Variants in TRPM3 observed in about 807,000 individuals in gnomAD.
The protein encoded by TRPM3 is transient receptor potential cation channel subfamily M member 3.
A neutral mutation model predicts 181.2 loss-of-function variants in TRPM3; 77 were observed. The observed-to-expected ratio is 0.42, with a 90% confidence interval of 0.35 to 0.51. The LOEUF is 0.51. Ranked by LOEUF, TRPM3 falls within the 20% of genes least tolerant of loss-of-function variation. The probability of loss-of-function intolerance (pLI) is 0.01; values close to 1 mark genes in which losing one functional copy is unlikely to be tolerated. For synonymous variants in TRPM3, 745 were observed against 796.4 expected, an observed-to-expected ratio of 0.94 and a Z score of 1.09; for missense variants, 1,759 against 2,196.7, an observed-to-expected ratio of 0.80 and a Z score of 3.98.
chr9:71,326,568 T>C (rs893374201), intron 1 of TRPM3, among the ~76,000 whole-genome samples: 1 of 152,240 alleles, frequency 6.6e-6, no homozygotes, highest in African/African-American at 2.4e-5. Flanking sequence ...AAAATGCAAC[T>C]GGTACTTCTC....
At chr9:70,806,223 CAGA>C (rs1244470635) in intron 6 of TRPM3, among the ~76,000 whole-genome samples, 2 of 152,052 alleles carry the variant, frequency 1.3e-5, no homozygotes, top group Non-Finnish European at 1.5e-5. Context: ...GCCTCCAACA[CAGA>C]AGGAGAACAG....
chr9:70,629,218 G>GTGGC (rs1554790165), intron 12 of TRPM3, among the ~76,000 whole-genome samples: 4 of 59,932 alleles, frequency 6.7e-5, no homozygotes, highest in African/African-American at 2.1e-4. Context: ...CCAGTGCCGG[G>GTGGC]GGGGGGGGGG....
chr9:71,256,703 T>C (rs1283186107), intron 1 of TRPM3, among the ~76,000 whole-genome samples: 1 of 152,102 alleles, frequency 6.6e-6, no homozygotes, highest in African/African-American at 2.4e-5. Context: ...TACAGTTTGA[T>C]GGGACCAAAA....
intron 1 of TRPM3, among the ~76,000 whole-genome samples, chr9:70,998,142 C>T (rs935983014): frequency 1.7e-5 from 1 of 58,268 alleles, no homozygotes; most frequent in South Asian, 6.5e-4. Flanking sequence ...CATATATATA[C>T]ACATATATAT....
chr9:70,574,090 G>GCA (rs111292543), intron 22 of TRPM3, among the ~76,000 whole-genome samples: 10,839 of 143,302 alleles, frequency 0.076, 598 homozygotes, highest in African/African-American at 0.16. Context: ...ACACACGCGC[G>GCA]CGCACACACA....
intron 1 of TRPM3, among the ~76,000 whole-genome samples, chr9:71,138,945 T>C (rs761055066): frequency 3.3e-5 from 5 of 152,192 alleles, no homozygotes; most frequent in African/African-American, 9.7e-5. Flanking sequence ...TTCTAACATA[T>C]AGCTTGTATA....
intron 6 of TRPM3, among the ~76,000 whole-genome samples, chr9:70,795,333 GC>G (rs1564331972): frequency 6.6e-6 from 1 of 152,126 alleles, no homozygotes; most frequent in East Asian, 1.9e-4. Flanking sequence ...AGAGTTTTAT[GC>G]TTAAACACAA....
At position 71,141,306 on chromosome 9, in the gene TRPM3, T is replaced by G. The variant is rs561129346; in HGVS notation, c.184-276795A>C. ...TCTCTAGCTGGATGTGGTGCTAATA[T>G]TCCTACGTGATTTACACACATTTTG... On this transcript the variant is annotated intron_variant, in intron 1 of 24. Coordinates refer to the TRPM3 transcript ENST00000357533. 6.2e-4 allele frequency among the ~76,000 whole-genome samples: 95 copies of G among 152,278 alleles called. 2 individuals are homozygous for G. The South Asian group carries it at 0.018, about 29-fold the overall frequency.
intron 1 of TRPM3, among the ~76,000 whole-genome samples, chr9:71,307,235 A>G (rs2132371231): frequency 6.6e-6 from 1 of 151,974 alleles, no homozygotes; most frequent in Non-Finnish European, 1.5e-5. Context: ...AAATCTCATC[A>G]TTTCTTTTTC....
intron 1 of TRPM3, among the ~76,000 whole-genome samples, chr9:71,355,872 T>TA (rs2132695411): frequency 1.3e-5 from 2 of 152,058 alleles, no homozygotes; most frequent in South Asian, 4.1e-4. Flanking sequence ...TTATATCCCT[T>TA]AAAAGAAAAT....
intron 7 of TRPM3, among the ~76,000 whole-genome samples, chr9:70,773,897 A>G (rs1396177520): frequency 6.6e-6 from 1 of 152,172 alleles, no homozygotes; most frequent in Non-Finnish European, 1.5e-5. Context: ...CTACGTGATG[A>G]TTGCCTGGTA....
chr9:71,424,382 A>G (rs1379796968), intron 1 of TRPM3, among the ~76,000 whole-genome samples: 1 of 152,068 alleles, frequency 6.6e-6, no homozygotes, highest in Non-Finnish European at 1.5e-5. Context: ...AAACTCCTTG[A>G]CCACACATAT....
intron 1 of TRPM3, among the ~76,000 whole-genome samples, chr9:71,146,033 C>A (rs1326048600): frequency 6.6e-6 from 1 of 152,062 alleles, no homozygotes; most frequent in East Asian, 1.9e-4. Flanking sequence ...CATATTTGTT[C>A]TTTTAGGCAT....
intron 17 of TRPM3, among the ~76,000 whole-genome samples, chr9:70,618,463 A>T (rs1233555986): frequency 6.6e-6 from 1 of 152,210 alleles, no homozygotes; most frequent in Non-Finnish European, 1.5e-5. Flanking sequence ...GTAAGAGCCA[A>T]TGTCTCTATG....
chr9:70,928,085 T>A (rs752267604), intron 1 of TRPM3, among the ~76,000 whole-genome samples: 3 of 152,104 alleles, frequency 2.0e-5, no homozygotes, highest in Non-Finnish European at 4.4e-5. Context: ...GATATTTAGG[T>A]AATAGGGAAA....
chr9:71,258,987 T>C (rs1239907231), intron 1 of TRPM3, among the ~76,000 whole-genome samples: 1 of 152,170 alleles, frequency 6.6e-6, no homozygotes, highest in African/African-American at 2.4e-5. Flanking sequence ...GGTGGTTTGA[T>C]GCACCCATCA....
chr9:71,253,870 C>A (rs542501993), intron 1 of TRPM3, among the ~76,000 whole-genome samples: 5 of 151,886 alleles, frequency 3.3e-5, no homozygotes, highest in African/African-American at 9.7e-5. Context: ...ACTATTCAAC[C>A]GCAAAAAAGA....
intron 1 of TRPM3, among the ~76,000 whole-genome samples, chr9:71,264,048 C>G (rs935278920): frequency 6.6e-6 from 1 of 152,184 alleles, no homozygotes; most frequent in Non-Finnish European, 1.5e-5. Flanking sequence ...TCTTCCAAAC[C>G]TCTCAAAGTG....
intron 1 of TRPM3, among the ~76,000 whole-genome samples, chr9:71,408,651 G>A (rs1405675959): frequency 1.3e-5 from 2 of 152,214 alleles, no homozygotes; most frequent in African/African-American, 4.8e-5. Context: ...AAGGGACGGG[G>A]AGAATGGAAC....
Sources: gnomAD v4.1 joint callset for allele counts (sites outside exome capture counted in the v4.1 genomes callset) on GRCh38, gnomAD v4.1.1 for gene constraint, MANE v1.5 for transcripts, NCBI Gene and HGNC (gene_info 2026-07-23, HGNC 2026-07-21) for gene names.